The following C14orf39 variants were observed in gnomAD, a reference collection of about 807,000 sequenced individuals.
The protein encoded by C14orf39 is protein SIX6OS1.
In C14orf39, 66 loss-of-function variants were observed where a neutral mutation model predicts 85.6. The ratio of observed to expected loss-of-function variants is 0.77; its 90% CI spans 0.63 to 0.95. The LOEUF (loss-of-function observed/expected upper bound fraction) is 0.95, where lower values mean the gene tolerates loss of function less well. C14orf39 is among the 40% of genes least tolerant of loss of function. The pLI is 0.00. For missense variants in C14orf39, 735 were observed against 663.9 expected (o/e 1.11, Z -1.18); for synonymous variants, 242 against 214.0 (o/e 1.13, Z -1.14).
At chr14:60,511,331 G>C in intron 1 of C14orf39, 1 of 1,503,516 alleles carries the variant, frequency 6.7e-7, no homozygotes, top group Non-Finnish European at 9.2e-7. Flanking sequence ...AAGAAGATGA[G>C]AGACCTGCAA....
At chr14:60,513,529 T>A (rs1053771205) in intron 1 of C14orf39, among the ~76,000 whole-genome samples, 1 of 152,184 alleles carries the variant, frequency 6.6e-6, no homozygotes, top group Admixed American at 6.5e-5. Context: ...GGATATCCAC[T>A]CTTGTTCCCC....
intron 17 of C14orf39, among the ~76,000 whole-genome samples, chr14:60,441,541 A>G (rs372507470): frequency 6.6e-6 from 1 of 152,224 alleles, no homozygotes; most frequent in South Asian, 2.1e-4. Flanking sequence ...TAAATTATAC[A>G]TTGATTTATT....
At chr14:60,464,743 T>A (rs1891703343) in intron 11 of C14orf39, among the ~76,000 whole-genome samples, 1 of 152,136 alleles carries the variant, frequency 6.6e-6, no homozygotes. Flanking sequence ...TTTCCGCTCT[T>A]CTGCTTTAAT....
chr14:60,450,082 G>A (rs1566658422), intron 16 of C14orf39, among the ~76,000 whole-genome samples: 1 of 152,164 alleles, frequency 6.6e-6, no homozygotes, highest in Non-Finnish European at 1.5e-5. Context: ...CTTCAGTTGT[G>A]ACCCAGCACA....
chr14:60,511,079 C>G lies in C14orf39; in HGVS notation c.-144+4316G>C. The G allele has an allele frequency of 6.2e-7, 1 of 1,612,458 alleles. No individual in the cohort carries two copies. The highest frequency in any genetic ancestry group is 8.5e-7 in the Non-Finnish European group (1 of 1,179,738). On this transcript the variant is annotated intron_variant, in intron 1 of 5. Transcript: ENST00000556799. ...TGTGACCCGTGTTCCCTTTCTTCCC[C>G]GTAGACTCCAGCAGCAGGTCCTGTC...
intron 17 of C14orf39, among the ~76,000 whole-genome samples, chr14:60,441,169 G>A (rs1173595593): frequency 6.6e-6 from 1 of 152,172 alleles, no homozygotes; most frequent in Non-Finnish European, 1.5e-5. Flanking sequence ...CTAGTCTGCT[G>A]TGTGAGACTG....
intron 4 of C14orf39, among the ~76,000 whole-genome samples, chr14:60,480,909 T>G (rs1595484230): frequency 6.6e-6 from 1 of 152,118 alleles, no homozygotes; most frequent in East Asian, 1.9e-4. Context: ...AAAGTCAATC[T>G]CATATAAACA....
upstream of C14orf39, among the ~76,000 whole-genome samples, chr14:60,490,769 A>G (rs1949079042): frequency 6.6e-6 from 1 of 152,206 alleles, no homozygotes; most frequent in African/African-American, 2.4e-5. Context: ...TCGAGACACC[A>G]TCACTACAAC....
At chr14:60,473,339 TC>T (rs1353022178) in intron 5 of C14orf39, among the ~76,000 whole-genome samples, 1 of 152,242 alleles carries the variant, frequency 6.6e-6, no homozygotes, top group Non-Finnish European at 1.5e-5. Context: ...AAAAATTTTC[TC>T]CCATTCTGTA....
chr14:60,456,643 T>G (rs113179424), intron 15 of C14orf39, among the ~76,000 whole-genome samples: 6 of 152,180 alleles, frequency 3.9e-5, no homozygotes, highest in African/African-American at 1.2e-4. Context: ...ATTTATGCCA[T>G]CTTCAGCTAA....
intron 16 of C14orf39, among the ~76,000 whole-genome samples, chr14:60,449,572 T>A (rs1001830332): frequency 6.6e-6 from 1 of 152,180 alleles, no homozygotes; most frequent in Non-Finnish European, 1.5e-5. Context: ...CCAATCTGTT[T>A]CATAATATTT....
At chr14:60,441,961 A>T in intron 17 of C14orf39, 113 bp downstream of exon 17, 1 of 690,984 alleles carries the variant, frequency 1.4e-6, no homozygotes, top group Non-Finnish European at 2.5e-6. Context: ...GTGCAGAAGT[A>T]ACAGTAATTT....
rs1343524343 is a variant in C14orf39 at position 60,436,891 on chromosome 14, C to A, written c.1718G>T (p.Gly573Val). The change falls in exon 18 of 18, where the codon GGT (glycine) becomes GTT (valine). Residue 573 changes from glycine (G) to valine (V), a missense_variant. Gly to Val is a moderately radical substitution (Grantham distance 109). Coordinates refer to ENST00000321731, the MANE Select transcript of C14orf39 (RefSeq NM_174978.3). ...TGTATTTTGTGAGGAAGATGAAAAA[C>A]CTTTTAAAGAAGAAGAAGGTATTGA... Reference protein sequence around the residue: ...QNSIPSSSLKGFSSSSQNTTQ... With the variant: ...QNSIPSSSLKVFSSSSQNTTQ... 6.2e-7 allele frequency: 1 copy of A among 1,611,698 alleles called. No individual in the cohort carries two copies. The highest frequency in any genetic ancestry group is 8.5e-7 in the Non-Finnish European group (1 of 1,178,722).
chr14:60,468,571 T>A (rs1212919153), intron 8 of C14orf39, 35 bp from the exon 9 acceptor site: 10 of 1,236,932 alleles, frequency 8.1e-6, no homozygotes, highest in Non-Finnish European at 9.1e-6. Context: ...AACAAAATAA[T>A]TACTTGCAAA....
chr14:60,476,435 A>G (rs530304500), intron 5 of C14orf39, among the ~76,000 whole-genome samples: 4 of 152,354 alleles, frequency 2.6e-5, no homozygotes, highest in South Asian at 4.1e-4. Context: ...ATTAGGAGAA[A>G]CAAGTAATTG....
intron 2 of C14orf39, chr14:60,499,267 A>T (rs7146097): frequency 0.2 from 30,876 of 151,546 alleles, 3,547 homozygotes; most frequent in East Asian, 0.54. Context: ...AAAAAAAAAA[A>T]AATAATACTG....
intron 2 of C14orf39, chr14:60,496,880 C>T (rs1452028608): frequency 6.6e-6 from 1 of 152,376 alleles, no homozygotes; most frequent in African/African-American, 2.4e-5. Flanking sequence ...GCTTGTTCAA[C>T]AACATGGTGC....
chr14:60,478,207 C>T (rs1365123841), intron 5 of C14orf39, 93 bp downstream of exon 5: 2 of 225,834 alleles, frequency 8.9e-6, no homozygotes, highest in South Asian at 1.1e-4. Context: ...TCCTTGAGTA[C>T]AAAATGTCTA....
At chr14:60,457,382 C>T (rs1001882996) in intron 14 of C14orf39, among the ~76,000 whole-genome samples, 1 of 151,672 alleles carries the variant, frequency 6.6e-6, no homozygotes, top group Admixed American at 6.6e-5. Flanking sequence ...AAAAAAAAGA[C>T]TAGGAATGAT....
Sources: allele counts gnomAD v4.1 joint callset (sites outside exome capture counted in the v4.1 genomes callset), GRCh38; gene constraint gnomAD v4.1.1; transcripts MANE v1.5; gene names NCBI Gene and HGNC (gene_info 2026-07-23, HGNC 2026-07-21).